The following DCAF12 variants were observed in gnomAD, a reference collection of about 807,000 sequenced individuals.
The protein encoded by DCAF12 is DDB1 and CUL4 associated factor 12.
DCAF12 carries 28 observed loss-of-function variants against 52.8 expected under a neutral mutation model. The ratio of observed to expected loss-of-function variants is 0.53; its 90% CI spans 0.39 to 0.73. DCAF12 has a LOEUF of 0.73. DCAF12 is among the 30% of genes least tolerant of loss of function. The pLI is 0.00. For synonymous variants in DCAF12, 196 were observed against 215.5 expected (o/e 0.91, Z 0.79); for missense variants, 425 against 552.2 (o/e 0.77, Z 2.31).
At chr9:34,098,727 A>G (rs545316433) in intron 4 of DCAF12, among the ~76,000 whole-genome samples, 4 of 152,350 alleles carry the variant, frequency 2.6e-5, no homozygotes, top group Admixed American at 2.0e-4. Context: ...TAGGCATTAA[A>G]ATATAACTTT....
At chr9:34,121,832 A>T (rs1318905502) in intron 2 of DCAF12, among the ~76,000 whole-genome samples, 6 of 152,066 alleles carry the variant, frequency 3.9e-5, no homozygotes, top group Non-Finnish European at 2.9e-5. Context: ...AATCCCAGCT[A>T]CTCAGGAGGC....
At position 34,103,095 on chromosome 9, in the gene DCAF12, CAAAAAAAAAAAAA is replaced by C. The variant is rs34456166; in HGVS notation, c.601+3326_601+3338del. ...GGGTGACAGGGCGAGACCTTAACTCCAAAAAAAAAAAAAAAAAAAAAAAAGAGAAACAACAGCT... is the reference window on the plus strand; with the variant it reads ...GGGTGACAGGGCGAGACCTTAACTCCAAAAAAAAAAAGAGAAACAACAGCT... On this transcript the variant is annotated intron_variant, in intron 4 of 8. Coordinates refer to ENST00000361264, the MANE Select transcript of DCAF12 (RefSeq NM_015397.4). 5.0e-5 allele frequency among the ~76,000 whole-genome samples: 5 copies of C among 100,200 alleles called. No individual in the cohort carries two copies. In the East Asian group the frequency reaches 1.3e-3, roughly 27 times the overall value. The allele number at this position is 100,200 out of a possible 152,430, so 65.7% of individuals were successfully genotyped here. A position where few individuals can be genotyped will look rare whatever the true frequency, so the allele number is the denominator to read the frequency against.
rs746377084 is a variant in DCAF12, at chr9:34,126,357, C to A, written c.75G>T (p.Pro25=). The part of the protein sequence containing the change: ...SPGAGSDAQG[P]QFGWDHSLHK... Reference sequence around the variant, plus strand: ...GTGCCGGCCTCTCAACCCTCACCTGCGGGCCCTGAGCGTCGCTCCCAGCTC... The same window carrying A: ...GTGCCGGCCTCTCAACCCTCACCTGAGGGCCCTGAGCGTCGCTCCCAGCTC... The change falls in exon 1 of 9, where the codon CCG becomes CCT. Residue 25 remains proline (P), a synonymous_variant. Coordinates refer to ENST00000361264, the MANE Select transcript of DCAF12 (RefSeq NM_015397.4). The A allele has an allele frequency of 3.1e-6, 5 of 1,612,320 alleles. No individual in the cohort carries two copies. Among genetic ancestry groups the A allele is most frequent in the Admixed American group, 3.3e-5 (2 of 59,970 alleles).
Position 34,096,697 on chromosome 9 carries a change from A to T in DCAF12, c.861+19T>A. ...AAGGTGAATTATTAGGTAAAACCAC[A>T]AAATCATGTTCATCACACCTTAGAT... On this transcript the variant is annotated intron_variant, in intron 6 of 8. Transcript: ENST00000361264. 6.2e-7 allele frequency: 1 copy of T among 1,610,498 alleles called. No individual in the cohort carries two copies. The highest frequency in any genetic ancestry group is 8.5e-7 in the Non-Finnish European group (1 of 1,177,996).
chr9:34,120,685 A>AG (rs1186873291), intron 2 of DCAF12, among the ~76,000 whole-genome samples: 1 of 151,106 alleles, frequency 6.6e-6, no homozygotes, highest in Non-Finnish European at 1.5e-5. Context: ...AAAAAAAAAA[A>AG]AAGAAAACAA....
chr9:34,125,891 G>C (rs1301359844), intron 1 of DCAF12, among the ~76,000 whole-genome samples: 2 of 152,190 alleles, frequency 1.3e-5, no homozygotes, highest in Non-Finnish European at 2.9e-5. Context: ...CCTGGGAACT[G>C]TTGTTTCTTT....
At chr9:34,115,232 A>G (rs987986998) in intron 2 of DCAF12, among the ~76,000 whole-genome samples, 4 of 151,900 alleles carry the variant, frequency 2.6e-5, no homozygotes, top group African/African-American at 7.3e-5. Flanking sequence ...GGGGAGGAGC[A>G]AAGGAGAGAG....
intron 8 of DCAF12, among the ~76,000 whole-genome samples, chr9:34,088,926 A>G (rs1178550987): frequency 1.3e-5 from 2 of 151,930 alleles, no homozygotes; most frequent in African/African-American, 2.4e-5. Flanking sequence ...CCTGGGCAAC[A>G]TGGCGAGACC....
At chr9:34,089,139 G>C (rs1408484926) in intron 8 of DCAF12, among the ~76,000 whole-genome samples, 1 of 149,498 alleles carries the variant, frequency 6.7e-6, no homozygotes, top group Non-Finnish European at 1.5e-5. Flanking sequence ...AAAATTCACT[G>C]ACAGCTGTGG....
chr9:34,125,917 G>A (rs1829242792), intron 1 of DCAF12, among the ~76,000 whole-genome samples: 1 of 152,152 alleles, frequency 6.6e-6, no homozygotes, highest in Non-Finnish European at 1.5e-5. Flanking sequence ...TCCAAACGCC[G>A]AAAGGCCCAG....
Position 34,118,250 on chromosome 9 carries a change from C to CA in DCAF12, c.333+6772dup, listed in dbSNP as rs768992955. ...CCGGGTTCAAGCGACTGTCCTGACTCAGACTCCCGAGTAGCCGGGACCACA... is the reference window on the plus strand; with the variant it reads ...CCGGGTTCAAGCGACTGTCCTGACTCAAGACTCCCGAGTAGCCGGGACCACA... On this transcript the variant is annotated intron_variant, in intron 2 of 8. Coordinates refer to ENST00000361264, the MANE Select transcript of DCAF12 (RefSeq NM_015397.4). Among the ~76,000 whole-genome samples, 9 of 152,284 alleles carry CA rather than the reference C, an allele frequency of 5.9e-5. No homozygotes were observed. In the East Asian group the frequency reaches 1.7e-3, roughly 29 times the overall value.
At chr9:34,097,670 C>T (rs142299954) in intron 5 of DCAF12, among the ~76,000 whole-genome samples, 2,668 of 152,098 alleles carry the variant, frequency 0.018, 74 homozygotes, top group African/African-American at 0.057. Context: ...TGGTGGCTCA[C>T]GCCTGTAATC....
rs137919024 is a variant in DCAF12, at chr9:34,101,688, G to A, written c.602-3171C>T. Among the ~76,000 whole-genome samples, 50 of 152,008 alleles carry A rather than the reference G, an allele frequency of 3.3e-4. No homozygotes were observed. The East Asian group carries it at 7.8e-3, about 24-fold the overall frequency. On this transcript the variant is annotated intron_variant, in intron 4 of 8. Coordinates refer to ENST00000361264, the MANE Select transcript of DCAF12 (RefSeq NM_015397.4). Reference sequence around the variant, plus strand: ...ATTACAGGCATGAGCCACTGTGCCCGGCCCACAATCCTTCTATTAAGAATG... The same window carrying A: ...ATTACAGGCATGAGCCACTGTGCCCAGCCCACAATCCTTCTATTAAGAATG...
chr9:34,093,588 T>A (rs1828684217), intron 6 of DCAF12, 140 bp from the exon 7 acceptor site: 1 of 848,024 alleles, frequency 1.2e-6, no homozygotes, highest in Non-Finnish European at 1.8e-6. Flanking sequence ...AATAACACTC[T>A]GTTCCACCCC....
intron 2 of DCAF12, among the ~76,000 whole-genome samples, chr9:34,113,749 C>T (rs1564100948): frequency 6.6e-6 from 1 of 152,210 alleles, no homozygotes; most frequent in Non-Finnish European, 1.5e-5. Context: ...TTTACTGCAG[C>T]ATTATTCACA....
intron 2 of DCAF12, among the ~76,000 whole-genome samples, chr9:34,110,290 A>G (rs1403623138): frequency 6.6e-6 from 1 of 152,040 alleles, no homozygotes; most frequent in African/African-American, 2.4e-5. Flanking sequence ...ACCACTATCT[A>G]CCCTGTCACT....
intron 4 of DCAF12, among the ~76,000 whole-genome samples, chr9:34,102,897 G>C (rs1828851373): frequency 6.6e-6 from 1 of 151,284 alleles, no homozygotes. Context: ...GCAAAATGTT[G>C]AAACACCATC....
At chr9:34,089,348 GAGAT>G in intron 8 of DCAF12, 60 bp downstream of exon 8, 5 of 1,494,756 alleles carry the variant, frequency 3.3e-6, no homozygotes, top group Non-Finnish European at 4.5e-6. Flanking sequence ...TGGGGGCTGA[GAGAT>G]AGAGGAAGAT....
chr9:34,115,892 C>T lies in DCAF12; in HGVS notation c.334-8327G>A, dbSNP rs760726475. 7.4e-4 allele frequency among the ~76,000 whole-genome samples: 113 copies of T among 152,202 alleles called. 1 individual carries two copies. The highest frequency in any genetic ancestry group is 4.1e-4 in the Non-Finnish European group (28 of 68,008). ...AAGCCTTGCCACTACATACCTTTAA[C>T]GGCGATAAGGTAGTTCACTGCATGA... On this transcript the variant is annotated intron_variant, in intron 2 of 8. Transcript: ENST00000361264.
Sources: allele counts gnomAD v4.1 joint callset (sites outside exome capture counted in the v4.1 genomes callset), GRCh38; gene constraint gnomAD v4.1.1; transcripts MANE v1.5; gene names NCBI Gene and HGNC (gene_info 2026-07-23, HGNC 2026-07-21).